DGUOK: variants seen among roughly 807,000 people sequenced by gnomAD.
The protein encoded by DGUOK is deoxyguanosine kinase.
In DGUOK, 30 loss-of-function variants were observed where a neutral mutation model predicts 36.6. The ratio of observed to expected loss-of-function variants is 0.82; its 90% CI spans 0.61 to 1.11. The LOEUF is 1.11. Ranked by LOEUF, DGUOK falls within the 50% of genes most tolerant of loss-of-function variation. The probability of loss-of-function intolerance (pLI) is 0.00; values close to 1 mark genes in which losing one functional copy is unlikely to be tolerated. For missense variants in DGUOK, 361 were observed against 336.4 expected (o/e 1.07, Z -0.57); for synonymous variants, 145 against 126.3 (o/e 1.15, Z -0.99).
At chr2:73,951,456 G>GTTT (rs377083944) in intron 4 of DGUOK, among the ~76,000 whole-genome samples, 1 of 145,730 alleles carries the variant, frequency 6.9e-6, no homozygotes, top group African/African-American at 2.5e-5. Flanking sequence ...GTCAAGGTGA[G>GTTT]TTTTTTTTTT....
chr2:73,957,456 C>A (rs565727174), intron 5 of DGUOK, among the ~76,000 whole-genome samples: 1 of 152,096 alleles, frequency 6.6e-6, no homozygotes, highest in African/African-American at 2.4e-5. Flanking sequence ...GAGGCAGTCA[C>A]CTGAGGTCAG....
At chr2:73,939,946 G>C (rs1192639959) in intron 2 of DGUOK, among the ~76,000 whole-genome samples, 1 of 146,312 alleles carries the variant, frequency 6.8e-6, no homozygotes. Context: ...CTGTCACCCA[G>C]GCTGGGGTGC....
chr2:73,931,022 T>G (rs1680991615), intron 1 of DGUOK, among the ~76,000 whole-genome samples: 2 of 152,174 alleles, frequency 1.3e-5, no homozygotes, highest in Non-Finnish European at 2.9e-5. Context: ...GGTCTCAATC[T>G]CCTGACCTCG....
intron 1 of DGUOK, among the ~76,000 whole-genome samples, chr2:73,927,471 A>G (rs1249988960): frequency 2.0e-5 from 3 of 152,246 alleles, no homozygotes; most frequent in Non-Finnish European, 4.4e-5. Flanking sequence ...GTCCAATGCA[A>G]TATTTGGGAC....
intron 2 of DGUOK, among the ~76,000 whole-genome samples, chr2:73,939,261 C>T (rs1320635068): frequency 1.3e-5 from 2 of 152,088 alleles, no homozygotes; most frequent in Non-Finnish European, 2.9e-5. Context: ...TTTGTGGTTT[C>T]CCAAAGCATG....
At chr2:73,957,500 C>T (rs528063382) in intron 5 of DGUOK, among the ~76,000 whole-genome samples, 69 of 152,054 alleles carry the variant, frequency 4.5e-4, no homozygotes, top group Non-Finnish European at 8.5e-4. Flanking sequence ...ATGGTGAAAC[C>T]CTGTCTCTAC....
At chr2:73,938,519 A>AT (rs901577630) in intron 1 of DGUOK, among the ~76,000 whole-genome samples, 1 of 152,156 alleles carries the variant, frequency 6.6e-6, no homozygotes, top group African/African-American at 2.4e-5. Flanking sequence ...AATCATTTTT[A>AT]TTTTTTGTCT....
chr2:73,958,381 T>C (rs984786420), intron 6 of DGUOK, 136 bp downstream of exon 6: 20 of 733,656 alleles, frequency 2.7e-5, no homozygotes, highest in Non-Finnish European at 4.9e-5. Flanking sequence ...CCAAGGCCTA[T>C]GGAATCTTGT....
chr2:73,949,637 G>A (rs1182075663), intron 3 of DGUOK, among the ~76,000 whole-genome samples: 1 of 152,204 alleles, frequency 6.6e-6, no homozygotes, highest in Admixed American at 6.5e-5. Context: ...GACACTCACA[G>A]CCTTGCAGTC....
intron 6 of DGUOK, 88 bp downstream of exon 6, chr2:73,958,333 GGGTCTTGTGCTT>G (rs2105010311): frequency 9.9e-7 from 1 of 1,013,712 alleles, no homozygotes; most frequent in East Asian, 2.4e-5. Context: ...TCAATATCAT[GGGTCTTGTGCTT>G]TGCATCTCAC....
At chr2:73,953,303 TCG>T (rs1682837676) in intron 4 of DGUOK, among the ~76,000 whole-genome samples, 1 of 137,968 alleles carries the variant, frequency 7.2e-6, no homozygotes, top group Non-Finnish European at 1.5e-5. Flanking sequence ...GTCGTCGTCG[TCG>T]TCGTCGTCGT....
intron 1 of DGUOK, among the ~76,000 whole-genome samples, chr2:73,935,775 G>A (rs1158753378): frequency 6.6e-6 from 1 of 152,186 alleles, no homozygotes; most frequent in Admixed American, 6.5e-5. Context: ...TAGCTTTCCA[G>A]AAGCCTTGGA....
chr2:73,930,766 G>T (rs1285284385), intron 1 of DGUOK, among the ~76,000 whole-genome samples: 8 of 139,484 alleles, frequency 5.7e-5, no homozygotes, highest in Non-Finnish European at 1.5e-5. Flanking sequence ...GGAGAAAACA[G>T]ATTCGACATA....
At chr2:73,931,003 A>G (rs903658370) in intron 1 of DGUOK, among the ~76,000 whole-genome samples, 1 of 151,698 alleles carries the variant, frequency 6.6e-6, no homozygotes, top group African/African-American at 2.4e-5. Context: ...TCACCATGTT[A>G]GCCAGGATGG....
At chr2:73,953,287 A>G (rs1282932738) in intron 4 of DGUOK, among the ~76,000 whole-genome samples, 9 of 94,852 alleles carry the variant, frequency 9.5e-5, no homozygotes, top group Non-Finnish European at 1.7e-4. Context: ...GATCATCATC[A>G]TCATCGTCGT....
chr2:73,953,287 ATCATCG>A (rs769721628), intron 4 of DGUOK, among the ~76,000 whole-genome samples: 102 of 94,938 alleles, frequency 1.1e-3, no homozygotes, highest in Non-Finnish European at 1.6e-3. Flanking sequence ...GATCATCATC[ATCATCG>A]TCGTCGTCGT....
At chr2:73,937,766 A>G (rs1221979845) in intron 1 of DGUOK, among the ~76,000 whole-genome samples, 1 of 152,202 alleles carries the variant, frequency 6.6e-6, no homozygotes, top group African/African-American at 2.4e-5. Context: ...AAACATTGGT[A>G]TAAATGGGAA....
intron 6 of DGUOK, 50 bp downstream of exon 6, chr2:73,958,295 T>G: frequency 6.8e-7 from 1 of 1,461,406 alleles, no homozygotes; most frequent in South Asian, 1.2e-5. Flanking sequence ...TTGTTGTACT[T>G]TTATCTTTCT....
At chr2:73,953,976 C>T (rs1682903896) in intron 4 of DGUOK, among the ~76,000 whole-genome samples, 1 of 152,052 alleles carries the variant, frequency 6.6e-6, no homozygotes, top group Non-Finnish European at 1.5e-5. Flanking sequence ...CCTCGGCCTC[C>T]CAAAGTGCTG....
Sources: allele counts gnomAD v4.1 joint callset (sites outside exome capture counted in the v4.1 genomes callset), GRCh38; gene constraint gnomAD v4.1.1; transcripts MANE v1.5; gene names NCBI Gene and HGNC (gene_info 2026-07-23, HGNC 2026-07-21).